Variants in ATOSA observed in about 807,000 individuals in gnomAD.
ATOSA encodes atos homolog A, also known as atos homolog protein A.
At chr15:52,628,393 T>C in the ATOSA span, among the ~76,000 whole-genome samples, 2 of 152,196 alleles carry the variant, frequency 1.3e-5, no homozygotes, top group African/African-American at 2.4e-5. Context: ...TCCTCTGATA[T>C]GAGCCATGCC....
At chr15:52,584,677 T>TAAA in the ATOSA span, 5 of 1,103,080 alleles carry the variant, frequency 4.5e-6, no homozygotes, top group African/African-American at 1.6e-5. Context: ...AGTCACAGTT[T>TAAA]AAAAAAAAAA....
chr15:52,616,619 C>A, the ATOSA span, among the ~76,000 whole-genome samples: 1 of 152,036 alleles, frequency 6.6e-6, no homozygotes, highest in African/African-American at 2.4e-5. Context: ...CCCAACAAAG[C>A]CAATTGATTC....
the ATOSA span, among the ~76,000 whole-genome samples, chr15:52,612,045 T>C: frequency 7.2e-5 from 11 of 152,046 alleles, no homozygotes; most frequent in Non-Finnish European, 1.6e-4. Context: ...AGGGCAGTGG[T>C]GCAGTCTCGG....
chr15:52,626,085 A>G, the ATOSA span, among the ~76,000 whole-genome samples: 266 of 152,326 alleles, frequency 1.7e-3, 1 homozygote, highest in East Asian at 0.024. Context: ...TAAATTTAAA[A>G]TAAAACTAAA....
the ATOSA span, chr15:52,609,041 T>A: frequency 8.5e-5 from 137 of 1,613,418 alleles, no homozygotes; most frequent in African/African-American, 1.4e-3. Flanking sequence ...AATCTGCTTG[T>A]CAAATCTAAG....
At chr15:52,648,085 C>T in the ATOSA span, among the ~76,000 whole-genome samples, 3 of 152,080 alleles carry the variant, frequency 2.0e-5, no homozygotes, top group African/African-American at 4.8e-5. Flanking sequence ...AACATATTCA[C>T]GTTTTTAACG....
the ATOSA span, among the ~76,000 whole-genome samples, chr15:52,588,631 TG>T: frequency 6.6e-6 from 1 of 152,014 alleles, no homozygotes; most frequent in Non-Finnish European, 1.5e-5. Context: ...TAGAGATGGT[TG>T]GGGGCAGGGG....
At chr15:52,690,276 G>A in the ATOSA span, among the ~76,000 whole-genome samples, 2 of 152,176 alleles carry the variant, frequency 1.3e-5, no homozygotes, top group Non-Finnish European at 2.9e-5. Flanking sequence ...ATTTAGTAGT[G>A]AACAAGATTG....
At chr15:52,626,841 C>T in the ATOSA span, among the ~76,000 whole-genome samples, 2 of 152,114 alleles carry the variant, frequency 1.3e-5, no homozygotes, top group African/African-American at 2.4e-5. Context: ...AACATGAAGC[C>T]TTAGATATTT....
the ATOSA span, among the ~76,000 whole-genome samples, chr15:52,590,500 T>G: frequency 6.6e-6 from 1 of 152,240 alleles, no homozygotes; most frequent in Non-Finnish European, 1.5e-5. Context: ...AGATAGGATT[T>G]TCTGTGCTAA....
the ATOSA span, chr15:52,658,470 C>A: frequency 2.9e-6 from 1 of 347,650 alleles, no homozygotes; most frequent in Admixed American, 4.7e-5. Flanking sequence ...TAGTTTTCAC[C>A]ATTTTAGACC....
the ATOSA span, among the ~76,000 whole-genome samples, chr15:52,614,352 C>T: frequency 0.01 from 1,528 of 151,344 alleles, 24 homozygotes; most frequent in African/African-American, 0.036. Context: ...GTGATCCACC[C>T]GCCTCGGCCT....
At chr15:52,638,509 C>G in the ATOSA span, among the ~76,000 whole-genome samples, 1 of 151,896 alleles carries the variant, frequency 6.6e-6, no homozygotes, top group Non-Finnish European at 1.5e-5. Context: ...GCCTGGCCAA[C>G]AGAGTGAAAC....
chr15:52,646,538 A>C, the ATOSA span, among the ~76,000 whole-genome samples: 7 of 152,162 alleles, frequency 4.6e-5, no homozygotes, highest in Non-Finnish European at 8.8e-5. Flanking sequence ...AGAACGTAGG[A>C]GTCCACAAAG....
At chr15:52,604,290 A>G in the ATOSA span, among the ~76,000 whole-genome samples, 1 of 152,226 alleles carries the variant, frequency 6.6e-6, no homozygotes, top group Non-Finnish European at 1.5e-5. Flanking sequence ...TCCATTTGGA[A>G]TTTTTTAAAG....
At chr15:52,621,870 GAC>G in the ATOSA span, among the ~76,000 whole-genome samples, 1 of 146,596 alleles carries the variant, frequency 6.8e-6, no homozygotes, top group South Asian at 2.2e-4. Context: ...TTTTTTTTGA[GAC>G]ACAGTCTTGT....
the ATOSA span, among the ~76,000 whole-genome samples, chr15:52,686,471 A>G: frequency 6.6e-6 from 1 of 152,242 alleles, no homozygotes; most frequent in Non-Finnish European, 1.5e-5. Flanking sequence ...TAAGAAAGAA[A>G]AAGGTTTGTA....
chr15:52,626,177 C>T, the ATOSA span, among the ~76,000 whole-genome samples: 1 of 152,184 alleles, frequency 6.6e-6, no homozygotes, highest in South Asian at 2.1e-4. Context: ...CCCAAGGCCA[C>T]ACACTTTATC....
chr15:52,626,370 A>G, the ATOSA span, among the ~76,000 whole-genome samples: 17 of 152,310 alleles, frequency 1.1e-4, no homozygotes, highest in South Asian at 8.3e-4. Flanking sequence ...CTTATAATGC[A>G]TGGCAAAACT....
Sources: gnomAD v4.1 joint callset for allele counts (sites outside exome capture counted in the v4.1 genomes callset) on GRCh38, gnomAD v4.1.1 for gene constraint, MANE v1.5 for transcripts, NCBI Gene and HGNC (gene_info 2026-07-23, HGNC 2026-07-21) for gene names.